The following STXBP5L variants were observed in gnomAD, a reference collection of about 807,000 sequenced individuals.
STXBP5L encodes syntaxin-binding protein 5-like.
STXBP5L carries 65 observed loss-of-function variants against 144.5 expected under a neutral mutation model. The observed-to-expected ratio is 0.45, with a 90% CI of 0.37 to 0.55. STXBP5L has a LOEUF of 0.55. STXBP5L is among the 20% of genes least tolerant of loss of function. STXBP5L has a pLI of 0.00. For missense variants in STXBP5L, 1,298 were observed against 1,405.5 expected (o/e 0.92, Z 1.22); for synonymous variants, 505 against 469.6 (o/e 1.08, Z -0.97).
chr3:120,927,103 T>G (rs1003216946), intron 2 of STXBP5L, among the ~76,000 whole-genome samples: 1 of 151,952 alleles, frequency 6.6e-6, no homozygotes, highest in Non-Finnish European at 1.5e-5. Context: ...AACTGGCAAA[T>G]TTTTTGTATT....
Position 121,004,060 on chromosome 3 carries a change from A to G in STXBP5L, c.288-37640A>G, listed in dbSNP as rs537840139. Reference sequence around the variant, plus strand: ...TCTTTTTTGGTTCCATATGAACTTTAAAGTAGTTTTTTCCAATTCTGTGAA... The same window carrying G: ...TCTTTTTTGGTTCCATATGAACTTTGAAGTAGTTTTTTCCAATTCTGTGAA... On this transcript the variant is annotated intron_variant, in intron 3 of 26. Coordinates refer to ENST00000471454, the MANE Select transcript of STXBP5L (RefSeq NM_001308330.2). Among the ~76,000 whole-genome samples, 34 of 152,054 alleles carry G rather than the reference A, an allele frequency of 2.2e-4. No homozygotes were observed. The East Asian group carries it at 6.0e-3, about 27-fold the overall frequency.
intron 22 of STXBP5L, among the ~76,000 whole-genome samples, chr3:121,395,120 AG>A (rs1433072955): frequency 2.0e-5 from 3 of 152,160 alleles, no homozygotes; most frequent in Non-Finnish European, 4.4e-5. Context: ...TTCTTAATAG[AG>A]CAGAAATAGT....
intron 3 of STXBP5L, among the ~76,000 whole-genome samples, chr3:120,986,745 TAAAG>T: frequency 6.6e-6 from 1 of 151,812 alleles, no homozygotes; most frequent in South Asian, 2.1e-4. Context: ...GAAATATTGA[TAAAG>T]AAATAGCAAA....
At chr3:121,268,746 G>A (rs1158853854) in intron 18 of STXBP5L, among the ~76,000 whole-genome samples, 1 of 151,394 alleles carries the variant, frequency 6.6e-6, no homozygotes, top group Non-Finnish European at 1.5e-5. Context: ...TTTTTTCATT[G>A]TGAGATGCTA....
intron 5 of STXBP5L, among the ~76,000 whole-genome samples, chr3:121,065,629 A>C (rs907690896): frequency 6.6e-6 from 1 of 152,180 alleles, no homozygotes; most frequent in African/African-American, 2.4e-5. Flanking sequence ...GCTGGCCTCA[A>C]ACCCCTAGGC....
intron 3 of STXBP5L, among the ~76,000 whole-genome samples, chr3:120,969,793 C>A (rs1940032066): frequency 6.6e-6 from 1 of 151,688 alleles, no homozygotes. Flanking sequence ...GACTTTTGTC[C>A]ACTTACCTTC....
intron 5 of STXBP5L, among the ~76,000 whole-genome samples, chr3:121,071,853 G>A (rs573294038): frequency 6.6e-6 from 1 of 152,248 alleles, no homozygotes; most frequent in Non-Finnish European, 1.5e-5. Flanking sequence ...GGGGTGCTTG[G>A]CCAAACACTA....
chr3:121,109,502 G>T (rs2043878731), intron 5 of STXBP5L, among the ~76,000 whole-genome samples: 1 of 152,142 alleles, frequency 6.6e-6, no homozygotes, highest in Admixed American at 6.5e-5. Context: ...TCAGGAGCAT[G>T]TCGTTGCATT....
At chr3:121,226,088 T>C (rs1238031341) in intron 11 of STXBP5L, among the ~76,000 whole-genome samples, 1 of 152,200 alleles carries the variant, frequency 6.6e-6, no homozygotes, top group Non-Finnish European at 1.5e-5. Flanking sequence ...AAGTGGTCCA[T>C]GAAGCCACGA....
intron 5 of STXBP5L, among the ~76,000 whole-genome samples, chr3:121,055,242 A>T (rs1342087718): frequency 1.3e-5 from 2 of 152,190 alleles, no homozygotes; most frequent in African/African-American, 2.4e-5. Context: ...CTATCGAAGT[A>T]TGGTGAATGG....
At chr3:121,170,914 C>G in intron 9 of STXBP5L, among the ~76,000 whole-genome samples, 1 of 152,170 alleles carries the variant, frequency 6.6e-6, no homozygotes, top group East Asian at 1.9e-4. Flanking sequence ...GCCAATATCC[C>G]TGATGAACAT....
At chr3:120,995,020 G>T (rs1275790764) in intron 3 of STXBP5L, among the ~76,000 whole-genome samples, 1 of 152,012 alleles carries the variant, frequency 6.6e-6, no homozygotes, top group Non-Finnish European at 1.5e-5. Context: ...TATGTAACCA[G>T]GAGTTTATCC....
chr3:120,962,271 T>C (rs982677971), intron 3 of STXBP5L, among the ~76,000 whole-genome samples: 7 of 152,216 alleles, frequency 4.6e-5, no homozygotes, highest in African/African-American at 1.7e-4. Flanking sequence ...GTAGAAGCTC[T>C]TTAGTTTAAT....
chr3:121,185,956 A>G (rs1577147674), intron 9 of STXBP5L, among the ~76,000 whole-genome samples: 1 of 152,180 alleles, frequency 6.6e-6, no homozygotes, highest in Middle Eastern at 3.4e-3. Flanking sequence ...ATTTGTTTGT[A>G]TCCTCTTTTA....
chr3:121,135,818 T>C (rs1313595700), intron 7 of STXBP5L, among the ~76,000 whole-genome samples: 1 of 152,140 alleles, frequency 6.6e-6, no homozygotes, highest in Non-Finnish European at 1.5e-5. Context: ...CTTGGTGTCA[T>C]GAAAATCCAC....
At chr3:120,951,007 C>G (rs929503298) in intron 2 of STXBP5L, among the ~76,000 whole-genome samples, 3 of 151,678 alleles carry the variant, frequency 2.0e-5, no homozygotes, top group African/African-American at 4.8e-5. Flanking sequence ...TGCATATCTA[C>G]AACTATCTGA....
intron 19 of STXBP5L, among the ~76,000 whole-genome samples, chr3:121,287,746 T>C (rs1209837839): frequency 1.3e-5 from 2 of 151,970 alleles, no homozygotes; most frequent in East Asian, 3.9e-4. Flanking sequence ...GGAGAATTGC[T>C]TGAACCCAGG....
At position 120,993,809 on chromosome 3, in the gene STXBP5L, A is replaced by G. The variant is rs776856759; in HGVS notation, c.287+38772A>G. Among the ~76,000 whole-genome samples the G allele has an allele frequency of 7.6e-4, 115 of 151,978 alleles. 1 individual carries two copies. The highest frequency in any genetic ancestry group is 4.1e-4 in the Non-Finnish European group (28 of 67,914). ...CTCTTTTTGGTTCCATATAAATTTT[A>G]GGATTTTTTTCTATTTTTGTGAGAA... On this transcript the variant is annotated intron_variant, in intron 3 of 26. Transcript: ENST00000471454.
intron 8 of STXBP5L, among the ~76,000 whole-genome samples, chr3:121,153,091 G>A (rs1343519212): frequency 2.0e-5 from 3 of 152,036 alleles, no homozygotes; most frequent in Non-Finnish European, 4.4e-5. Flanking sequence ...ATATTAATAA[G>A]TGACACTTAT....
Sources: allele counts gnomAD v4.1 joint callset (sites outside exome capture counted in the v4.1 genomes callset), GRCh38; gene constraint gnomAD v4.1.1; transcripts MANE v1.5; gene names NCBI Gene and HGNC (gene_info 2026-07-23, HGNC 2026-07-21).